The following TATDN3 variants were observed in gnomAD, a reference collection of about 807,000 sequenced individuals.
TATDN3 encodes the protein TatD DNase domain containing 3.
TATDN3 carries 29 observed loss-of-function variants against 40.1 expected under a neutral mutation model. The ratio of observed to expected loss-of-function variants is 0.72; its 90% CI spans 0.54 to 0.99. TATDN3 has a LOEUF of 0.99. Ranked by LOEUF, TATDN3 falls within the 50% of genes least tolerant of loss-of-function variation. The pLI is 0.00. For missense variants in TATDN3, 309 were observed against 321.9 expected (o/e 0.96, Z 0.31); for synonymous variants, 105 against 117.0 (o/e 0.90, Z 0.66).
rs939678451 is a variant in TATDN3 at position 212,797,165 on chromosome 1, C to G, written c.227C>G (p.Pro76Arg). 3.7e-6 allele frequency: 6 copies of G among 1,613,918 alleles called. No homozygotes were observed. The highest frequency in any genetic ancestry group is 5.1e-6 in the Non-Finnish European group (6 of 1,179,982). ...GGTGTTCATCCAGTTCAAGGACTTC[C>G]ACCAGAAGACCAAAGAAGTGTCACA... ...CLGVHPVQGL[P>R]PEDQRSVTLK... The change falls in exon 4 of 10, where the codon CCA (proline) becomes CGA (arginine). Residue 76 changes from proline (P) to arginine (R), a missense_variant. Transcript: ENST00000366974.
intron 7 of TATDN3, among the ~76,000 whole-genome samples, chr1:212,806,747 C>CATATATATAT (rs71495077): frequency 2.1e-3 from 91 of 43,964 alleles, no homozygotes; most frequent in African/African-American, 3.3e-3. Flanking sequence ...TCTCTCTCTC[C>CATATATATAT]ATATATATAT....
intron 1 of TATDN3, among the ~76,000 whole-genome samples, chr1:212,794,234 T>G (rs7533514): frequency 1 from 150,080 of 150,132 alleles, 75,014 homozygotes; most frequent in Middle Eastern, 1. Context: ...TGAGCCGAGA[T>G]CGTGACACTG....
rs1663196377 is a variant in TATDN3, at chr1:212,816,566, G to A, written c.*1410G>A. 1 of 152,080 alleles carries A rather than the reference G, an allele frequency of 6.6e-6. No homozygotes were observed. The highest frequency in any genetic ancestry group is 1.5e-5 in the Non-Finnish European group (1 of 67,994). 9.4% of individuals were successfully genotyped at this position (152,080 alleles called of 1,614,324 possible). A position where few individuals can be genotyped will look rare whatever the true frequency, so the allele number is the denominator to read the frequency against. On this transcript the variant is annotated 3_prime_UTR_variant, in exon 10 of 10. Coordinates refer to ENST00000366974, the MANE Select transcript of TATDN3 (RefSeq NM_001042552.3). ...TATTTAATCTTGTTAAATTATATAA[G>A]CAGAAAATGCTGGAAAAAGTACCTG...
intron 5 of TATDN3, among the ~76,000 whole-genome samples, chr1:212,803,278 G>T (rs1055950427): frequency 1.1e-4 from 16 of 151,736 alleles, no homozygotes; most frequent in Non-Finnish European, 1.8e-4. Flanking sequence ...TGCCTCCCAG[G>T]TTCAAGTGGT....
intron 7 of TATDN3, among the ~76,000 whole-genome samples, chr1:212,807,269 T>A (rs1000966156): frequency 6.6e-6 from 1 of 152,038 alleles, no homozygotes; most frequent in African/African-American, 2.4e-5. Context: ...AGTTTATTTT[T>A]TGAGACAGAG....
chr1:212,803,453 GGATTACAGGCTT>G (rs1470956493), intron 5 of TATDN3, among the ~76,000 whole-genome samples: 2 of 151,912 alleles, frequency 1.3e-5, no homozygotes, highest in Non-Finnish European at 2.9e-5. Flanking sequence ...CAAAGTGCTG[GGATTACAGGCTT>G]GAGCAATCGT....
At chr1:212,804,792 G>T in intron 7 of TATDN3, 141 bp downstream of exon 7, 1 of 682,286 alleles carries the variant, frequency 1.5e-6, no homozygotes, top group Non-Finnish European at 2.5e-6. Context: ...CTAAGATGAT[G>T]TTGCAGGTCA....
intron 4 of TATDN3, 147 bp downstream of exon 4, chr1:212,797,343 A>G: frequency 1.6e-6 from 1 of 641,356 alleles, no homozygotes; most frequent in Non-Finnish European, 2.7e-6. Flanking sequence ...TGTTTGTTGC[A>G]ACATTATTCG....
In TATDN3 at chr1:212,806,811, TATATACAC is replaced by T. The variant is rs1198414684; in HGVS notation, c.488-919_488-912del. Among the ~76,000 whole-genome samples, 53 of 116,740 alleles carry T rather than the reference TATATACAC, an allele frequency of 4.5e-4. 7 individuals carry two copies. The South Asian group carries it at 8.4e-3, about 19-fold the overall frequency. 76.6% of individuals were successfully genotyped at this position (116,740 alleles called of 152,430 possible). Reference sequence around the variant, plus strand: ...ACACACACACACACATATATACACATATATACACATATATACATATATATACATATATA... The same window carrying T: ...ACACACACACACACATATATACACATATATATACATATATATACATATATA... On this transcript the variant is annotated intron_variant, in intron 7 of 9. Transcript: ENST00000366974.
rs201088735 is a variant in TATDN3, at chr1:212,796,521, A to G, written c.104A>G (p.Asn35Ser). 2.8e-5 allele frequency: 43 copies of G among 1,532,182 alleles called. No homozygotes were observed. The highest frequency in any genetic ancestry group is 2.2e-5 in the Admixed American group (1 of 45,368). The allele number at this position is 1,532,182 out of a possible 1,614,324, so 94.9% of individuals were successfully genotyped here. A position where few individuals can be genotyped will look rare whatever the true frequency, so the allele number is the denominator to read the frequency against. The change falls in exon 3 of 10, where the codon AAT becomes AGT. Residue 35 changes from asparagine (N) to serine (S), a missense_variant. By Grantham distance (46) the Asn-to-Ser change is conservative (BLOSUM62 1). Transcript: ENST00000366974. ...TATTCTTTTTTTTTTTTTCAGGCCAATGTTGTGGCCCTTGTGGCAGTTGCC... is the reference window on the plus strand; with the variant it reads ...TATTCTTTTTTTTTTTTTCAGGCCAGTGTTGTGGCCCTTGTGGCAGTTGCC... The part of the protein sequence containing the change: ...DDVLEKAKKA[N>S]VVALVAVAEH...
At chr1:212,806,582 G>A (rs1049818608) in intron 7 of TATDN3, among the ~76,000 whole-genome samples, 1 of 149,952 alleles carries the variant, frequency 6.7e-6, no homozygotes, top group African/African-American at 2.4e-5. Flanking sequence ...TCACCATGTT[G>A]CCCAGGCTGG....
At chr1:212,806,905 TATATACAC>T (rs1437238193) in intron 7 of TATDN3, among the ~76,000 whole-genome samples, 1 of 144,646 alleles carries the variant, frequency 6.9e-6, no homozygotes, top group Non-Finnish European at 1.5e-5. Context: ...TATACATATG[TATATACAC>T]ATATATACAT....
chr1:212,804,393 G>T lies in TATDN3; in HGVS notation c.395G>T (p.Arg132Ile). The change falls in exon 6 of 10, where the codon AGA (arginine) becomes ATA (isoleucine). Residue 132 changes from arginine to isoleucine, a missense_variant. Coordinates refer to ENST00000366974, the MANE Select transcript of TATDN3 (RefSeq NM_001042552.3). ...QKEEQRQVLIRQIQLAKRLNL... is the reference protein window; with the variant it reads ...QKEEQRQVLIIQIQLAKRLNL... ...GAAGAGCAAAGACAAGTCCTAATCA[G>T]ACAGATCCAGTTAGCCAAAAGACTA... The T allele has an allele frequency of 6.2e-7, 1 of 1,614,046 alleles. No individual in the cohort carries two copies. The highest frequency in any genetic ancestry group is 8.5e-7 in the Non-Finnish European group (1 of 1,179,966).
intron 7 of TATDN3, 91 bp downstream of exon 7, chr1:212,804,742 T>G (rs1662357986): frequency 8.5e-7 from 1 of 1,181,478 alleles, no homozygotes; most frequent in Non-Finnish European, 1.2e-6. Flanking sequence ...TTTAATCTGA[T>G]TTCTTGAAGG....
chr1:212,807,652 T>G (rs574426864), intron 7 of TATDN3, 84 bp from the exon 8 acceptor site: 2 of 1,038,612 alleles, frequency 1.9e-6, no homozygotes, highest in East Asian at 5.0e-5. Flanking sequence ...TGACCAACAT[T>G]TACTTAAAAT....
intron 7 of TATDN3, among the ~76,000 whole-genome samples, chr1:212,806,783 T>G (rs9430100): frequency 1.3e-5 from 1 of 79,522 alleles, no homozygotes; most frequent in African/African-American, 4.8e-5. Context: ...TATATATATA[T>G]ACACACACAC....
Position 212,816,436 on chromosome 1 carries a change from A to C in TATDN3, c.*1280A>C, listed in dbSNP as rs1311979725. ...AAGGTATTTAATGCCACTGAACTGT[A>C]CACTTATAACGAATTAGGATAAATT... is the stretch of plus-strand genomic sequence containing the variant. On this transcript the variant is annotated 3_prime_UTR_variant, in exon 10 of 10. Transcript: ENST00000366974. 6.6e-6 allele frequency: 1 copy of C among 152,250 alleles called. No homozygotes were observed. The highest frequency in any genetic ancestry group is 2.4e-5 in the African/African-American group (1 of 41,464). 9.4% of individuals were successfully genotyped at this position (152,250 alleles called of 1,614,324 possible).
intron 7 of TATDN3, among the ~76,000 whole-genome samples, chr1:212,805,557 G>A (rs1333740488): frequency 2.0e-5 from 3 of 152,128 alleles, no homozygotes; most frequent in African/African-American, 7.2e-5. Flanking sequence ...TGCCTGGCCA[G>A]CAGCTCCAGT....
chr1:212,809,011 A>C (rs1662704658), intron 8 of TATDN3, among the ~76,000 whole-genome samples: 1 of 152,262 alleles, frequency 6.6e-6, no homozygotes, highest in Non-Finnish European at 1.5e-5. Context: ...ATATAAAGTC[A>C]TAAAAAGGAA....
Sources: gnomAD v4.1 joint callset for allele counts (sites outside exome capture counted in the v4.1 genomes callset) on GRCh38, gnomAD v4.1.1 for gene constraint, MANE v1.5 for transcripts, NCBI Gene and HGNC (gene_info 2026-07-23, HGNC 2026-07-21) for gene names.